Variants in RAP1A observed in about 807,000 individuals in gnomAD.
The protein encoded by RAP1A is ras-related protein Rap-1A.
In RAP1A, 6 loss-of-function variants were observed where a neutral mutation model predicts 26.4. The observed-to-expected ratio is 0.23, with a 90% confidence interval of 0.12 to 0.45. The LOEUF is 0.45. Ranked by LOEUF, RAP1A falls within the 20% of genes least tolerant of loss-of-function variation. The pLI is 0.99. For missense variants in RAP1A, 121 were observed against 217.2 expected, an observed-to-expected ratio of 0.56 and a Z score of 2.78; for synonymous variants, 73 against 79.4, an observed-to-expected ratio of 0.92 and a Z score of 0.43.
intron 1 of RAP1A, among the ~76,000 whole-genome samples, chr1:111,638,145 T>G (rs1271745266): frequency 6.6e-6 from 1 of 152,090 alleles, no homozygotes; most frequent in Admixed American, 6.5e-5. Flanking sequence ...ATATTGTTCC[T>G]TAACTACAGC....
chr1:111,673,852 T>C (rs1661047320), intron 1 of RAP1A, among the ~76,000 whole-genome samples: 1 of 152,232 alleles, frequency 6.6e-6, no homozygotes, highest in South Asian at 2.1e-4. Context: ...GTGACCTATT[T>C]ATTATATTTG....
chr1:111,670,401 G>A (rs963327550), intron 1 of RAP1A, among the ~76,000 whole-genome samples: 6 of 152,082 alleles, frequency 3.9e-5, no homozygotes, highest in African/African-American at 1.4e-4. Flanking sequence ...TTGAGCTCAG[G>A]AGGCGGAGGT....
chr1:111,695,211 A>AATAT, intron 2 of RAP1A, 130 bp from the exon 3 acceptor site: 1 of 614,762 alleles, frequency 1.6e-6, no homozygotes. Flanking sequence ...AATTAATAAT[A>AATAT]TACTTTACAT....
intron 1 of RAP1A, among the ~76,000 whole-genome samples, chr1:111,632,860 G>A (rs375376405): frequency 6.7e-6 from 1 of 149,848 alleles, no homozygotes; most frequent in Non-Finnish European, 1.5e-5. Flanking sequence ...GGCAGAGGTT[G>A]TGGTGAGCCA....
chr1:111,644,940 G>A lies in RAP1A; in HGVS notation c.-28+25006G>A, dbSNP rs190879406. ...TCAAGAGTTTGTTTTACCTCTTGAAGTATATCCATAGTTGGTGGGAAAAGG... is the reference window on the plus strand; with the variant it reads ...TCAAGAGTTTGTTTTACCTCTTGAAATATATCCATAGTTGGTGGGAAAAGG... On this transcript the variant is annotated intron_variant, in intron 1 of 7. Transcript: ENST00000369709. 4.6e-5 allele frequency among the ~76,000 whole-genome samples: 7 copies of A among 152,276 alleles called. No homozygotes were observed. In the East Asian group the frequency reaches 1.2e-3, roughly 25 times the overall value.
At chr1:111,653,624 A>G (rs1429778673) in intron 1 of RAP1A, among the ~76,000 whole-genome samples, 2 of 143,954 alleles carry the variant, frequency 1.4e-5, no homozygotes, top group East Asian at 4.3e-4. Context: ...CGGAGGTTGC[A>G]GTGAGCCGAG....
chr1:111,624,013 G>A (rs972906100), intron 1 of RAP1A, among the ~76,000 whole-genome samples: 4 of 152,172 alleles, frequency 2.6e-5, no homozygotes, highest in Admixed American at 1.3e-4. Context: ...GTTGGTCAAT[G>A]AAAATAACTA....
intron 1 of RAP1A, among the ~76,000 whole-genome samples, chr1:111,578,364 G>A (rs184570319): frequency 2.0e-5 from 3 of 152,262 alleles, no homozygotes; most frequent in East Asian, 1.9e-4. Flanking sequence ...AACTCACAGA[G>A]GGTCTTGTAA....
chr1:111,707,601 A>C, intron 6 of RAP1A, among the ~76,000 whole-genome samples: 1 of 152,254 alleles, frequency 6.6e-6, no homozygotes, highest in Non-Finnish European at 1.5e-5. Context: ...AGATTTTACC[A>C]GTTGTCCCTG....
At position 111,637,410 on chromosome 1, in the gene RAP1A, T is replaced by A. The variant is rs891436042; in HGVS notation, c.-28+17476T>A. ...TCATGAAATTTTAATGCCACAGATATAACTGTATATTTGTTTATGTATTGT... is the reference window on the plus strand; with the variant it reads ...TCATGAAATTTTAATGCCACAGATAAAACTGTATATTTGTTTATGTATTGT... On this transcript the variant is annotated intron_variant, in intron 1 of 7. Transcript: ENST00000369709. Among the ~76,000 whole-genome samples, 3 of 152,206 alleles carry A rather than the reference T, an allele frequency of 2.0e-5. No individual in the cohort carries two copies. The South Asian group carries it at 6.2e-4, about 31-fold the overall frequency.
At chr1:111,684,717 T>G (rs1661414284) in intron 1 of RAP1A, among the ~76,000 whole-genome samples, 1 of 128,148 alleles carries the variant, frequency 7.8e-6, no homozygotes, top group South Asian at 2.4e-4. Context: ...CCAAGGTAAT[T>G]TATAGATTCA....
At chr1:111,587,191 T>G (rs1658385701) in intron 1 of RAP1A, among the ~76,000 whole-genome samples, 1 of 152,154 alleles carries the variant, frequency 6.6e-6, no homozygotes, top group African/African-American at 2.4e-5. Context: ...ATAGATTCAT[T>G]TGCTCCAACT....
At chr1:111,579,496 T>C (rs954134881) in intron 1 of RAP1A, among the ~76,000 whole-genome samples, 27 of 152,176 alleles carry the variant, frequency 1.8e-4, no homozygotes, top group African/African-American at 6.0e-4. Flanking sequence ...AATGTAACAC[T>C]GAGGTTTGCT....
chr1:111,615,921 A>G (rs1659006322), upstream of RAP1A, among the ~76,000 whole-genome samples: 1 of 152,096 alleles, frequency 6.6e-6, no homozygotes, highest in African/African-American at 2.4e-5. Context: ...GTTTTGGACT[A>G]TGCAGATAAA....
chr1:111,568,525 TG>T, intron 1 of RAP1A, among the ~76,000 whole-genome samples: 1 of 152,144 alleles, frequency 6.6e-6, no homozygotes, highest in African/African-American at 2.4e-5. Flanking sequence ...CCTCCAACAC[TG>T]GGATTCGCAT....
intron 1 of RAP1A, among the ~76,000 whole-genome samples, chr1:111,656,509 A>C (rs1397758021): frequency 6.6e-6 from 1 of 152,092 alleles, no homozygotes; most frequent in Non-Finnish European, 1.5e-5. Context: ...GCCATCTCCC[A>C]ATTTCTTGCC....
intron 6 of RAP1A, among the ~76,000 whole-genome samples, chr1:111,704,749 T>A (rs769071323): frequency 9.9e-5 from 15 of 152,242 alleles, no homozygotes; most frequent in Non-Finnish European, 1.9e-4. Flanking sequence ...GCTAAGCCTC[T>A]AAGTGATATG....
At chr1:111,701,668 G>A (rs1662028108) in intron 4 of RAP1A, among the ~76,000 whole-genome samples, 1 of 152,214 alleles carries the variant, frequency 6.6e-6, no homozygotes, top group South Asian at 2.1e-4. Context: ...AACCACAGCA[G>A]TTCTGTAAGG....
intron 1 of RAP1A, among the ~76,000 whole-genome samples, chr1:111,666,261 C>T (rs1660792549): frequency 6.6e-6 from 1 of 152,076 alleles, no homozygotes; most frequent in South Asian, 2.1e-4. Flanking sequence ...AGTTATCCTT[C>T]AGAAAAAAAT....
Sources: gnomAD v4.1 joint callset for allele counts (sites outside exome capture counted in the v4.1 genomes callset) on GRCh38, gnomAD v4.1.1 for gene constraint, MANE v1.5 for transcripts, NCBI Gene and HGNC (gene_info 2026-07-23, HGNC 2026-07-21) for gene names.